The following MOV10L1 variants were observed in gnomAD, a reference collection of about 807,000 sequenced individuals.
MOV10L1 encodes the protein Mov10 like RNA helicase 1, also known as RNA helicase Mov10l1.
MOV10L1 carries 110 observed loss-of-function variants against 143.8 expected under a neutral mutation model. The observed-to-expected ratio is 0.76, with a 90% CI of 0.66 to 0.90. The LOEUF (loss-of-function observed/expected upper bound fraction) is 0.90. MOV10L1 is among the 40% of genes least tolerant of loss of function. The pLI is 0.00. For synonymous variants in MOV10L1, 593 were observed against 581.1 expected, an observed-to-expected ratio of 1.02 and a Z score of -0.29; for missense variants, 1,406 against 1,526.8, an observed-to-expected ratio of 0.92 and a Z score of 1.32.
rs751190508 is a variant in MOV10L1, at chr22:50,150,844, C to T, written c.2837C>T (p.Ala946Val). ...SFLERLMSRPAYQRDENAFGA... is the reference protein window; with the variant it reads ...SFLERLMSRPVYQRDENAFGA... ...TTGGAACGGCTGATGTCTCGACCCG[C>T]GTACCAGAGGGACGAAAATGCTTTC... The change falls in exon 21 of 27, where the codon GCG becomes GTG. Residue 946 changes from alanine (A) to valine (V), a missense_variant. Physicochemically the swap from Ala to Val is moderately conservative, Grantham distance 64 (BLOSUM62 0). Transcript: ENST00000262794. 15 of 1,614,086 alleles carry T rather than the reference C, an allele frequency of 9.3e-6. No homozygotes were observed. The highest frequency in any genetic ancestry group is 5.3e-5 in the African/African-American group (4 of 74,922).
intron 3 of MOV10L1, among the ~76,000 whole-genome samples, chr22:50,104,413 G>A (rs2061819091): frequency 6.6e-6 from 1 of 152,216 alleles, no homozygotes; most frequent in Non-Finnish European, 1.5e-5. Flanking sequence ...GAGTTTGGGA[G>A]GGGCACTCCC....
intron 3 of MOV10L1, among the ~76,000 whole-genome samples, chr22:50,101,960 GC>G (rs1174116147): frequency 6.6e-6 from 1 of 152,200 alleles, no homozygotes; most frequent in Non-Finnish European, 1.5e-5. Context: ...CTAACAGGAA[GC>G]CCCTCTCAGG....
rs892439424 is a variant in MOV10L1, at chr22:50,125,713, C to T, written c.1747+144C>T. On this transcript the variant is annotated intron_variant, in intron 11 of 26. Transcript: ENST00000262794. ...TAGAATTTCACTAAAAATCAGCAAC[C>T]GATGTACATCAAGCATGTTTCTTTG... 6.2e-5 allele frequency: 47 copies of T among 761,018 alleles called. 1 individual carries two copies. In the South Asian group the frequency reaches 7.8e-4, roughly 13 times the overall value. The allele number at this position is 761,018 out of a possible 1,614,324, so 47.1% of individuals were successfully genotyped here. A position where few individuals can be genotyped will look rare whatever the true frequency, so the allele number is the denominator to read the frequency against.
intron 13 of MOV10L1, 145 bp downstream of exon 13, chr22:50,128,652 C>A: frequency 3.6e-6 from 2 of 557,996 alleles, no homozygotes; most frequent in Non-Finnish European, 6.3e-6. Flanking sequence ...TCAAGCGATT[C>A]TCCTGCCTCG....
chr22:50,090,443 GT>G (rs1424040795), intron 1 of MOV10L1: 1 of 1,602,018 alleles, frequency 6.2e-7, no homozygotes, highest in African/African-American at 1.3e-5. Context: ...CACTTTGTGT[GT>G]TTACGCCGAG....
intron 15 of MOV10L1, among the ~76,000 whole-genome samples, chr22:50,139,958 C>G (rs572308652): frequency 9.2e-5 from 14 of 152,150 alleles, no homozygotes; most frequent in African/African-American, 2.7e-4. Flanking sequence ...AAGCTGGACG[C>G]GCACCTGCCA....
rs2063539463 is a variant in MOV10L1 at position 50,160,749 on chromosome 22, C to G, written c.3386C>G (p.Ser1129Ter). The change falls in exon 25 of 27, where the codon TCA becomes TGA. Residue 1129 changes from serine (S) to a stop codon, truncating the protein, a stop_gained. Coordinates refer to ENST00000262794, the MANE Select transcript of MOV10L1 (RefSeq NM_018995.3). LOFTEE classifies it high-confidence loss of function. The part of the protein sequence containing the change: ...DRYFLGFLSN[S>*]KRFNVAITRP... ...TATTTTTTGGGTTTCTTGTCCAACTCAAAAAGATTTAATGTTGCAATCACC... is the reference window on the plus strand; with the variant it reads ...TATTTTTTGGGTTTCTTGTCCAACTGAAAAAGATTTAATGTTGCAATCACC... The G allele has an allele frequency of 6.2e-7, 1 of 1,614,088 alleles. No individual in the cohort carries two copies. Among genetic ancestry groups the G allele is most frequent in the Non-Finnish European group, 8.5e-7 (1 of 1,180,004 alleles).
At position 50,134,572 on chromosome 22, in the gene MOV10L1, C is replaced by A; in HGVS notation, c.2012C>A (p.Thr671Lys). ...ATTATTTTACAGTCTCCACAAGTGA[C>A]GGGAAATTGGAACCATGCACAAGAC... Reference protein sequence around the residue: ...EEIILQSPQVTGNWNHAQDTK... With the variant: ...EEIILQSPQVKGNWNHAQDTK... The change falls in exon 15 of 27, where the codon ACG becomes AAG. Residue 671 changes from threonine (T) to lysine (K), a missense_variant. Thr to Lys is a moderately conservative substitution (Grantham distance 78). Transcript: ENST00000262794. The A allele has an allele frequency of 6.2e-7, 1 of 1,614,022 alleles. No homozygotes were observed. The highest frequency in any genetic ancestry group is 8.5e-7 in the Non-Finnish European group (1 of 1,179,982).
At chr22:50,117,058 T>C (rs935438961) in intron 8 of MOV10L1, 99 bp from the exon 9 acceptor site, 1 of 1,122,048 alleles carries the variant, frequency 8.9e-7, no homozygotes, top group Non-Finnish European at 1.3e-6. Flanking sequence ...TAAAGATGAG[T>C]CTTAACTCTG....
intron 3 of MOV10L1, among the ~76,000 whole-genome samples, chr22:50,104,887 C>T (rs8140123): frequency 1.4e-4 from 20 of 145,892 alleles, no homozygotes; most frequent in Middle Eastern, 3.6e-3. Flanking sequence ...TTTGATTGAG[C>T]CTTCTTTTTT....
rs376399244 is a variant in MOV10L1 at position 50,128,516 on chromosome 22, T to C, written c.1910+9T>C. 6 of 1,342,582 alleles carry C rather than the reference T, an allele frequency of 4.5e-6. No homozygotes were observed. In the African/African-American group the frequency reaches 8.9e-5, roughly 20 times the overall value. 83.2% of individuals were successfully genotyped at this position (1,342,582 alleles called of 1,614,324 possible). A position where few individuals can be genotyped will look rare whatever the true frequency, so the allele number is the denominator to read the frequency against. On this transcript the variant is annotated intron_variant, in intron 13 of 26. Transcript: ENST00000262794. ...GAATTTACATATAATAGGTAATGCT[T>C]TTAGTGAGTCTTCTTTCAAATGTCT...
intron 16 of MOV10L1, 27 bp from the exon 17 acceptor site, chr22:50,143,016 C>T (rs745464893): frequency 6.2e-7 from 1 of 1,609,374 alleles, no homozygotes. Flanking sequence ...TTGCATCTAA[C>T]TGAAACTTTC....
At chr22:50,118,650 G>A (rs1437586884) in intron 9 of MOV10L1, among the ~76,000 whole-genome samples, 1 of 152,192 alleles carries the variant, frequency 6.6e-6, no homozygotes, top group African/African-American at 2.4e-5. Flanking sequence ...TTGGTGGAAG[G>A]AAAAGGGAGG....
intron 17 of MOV10L1, 54 bp downstream of exon 17, chr22:50,143,275 G>A (rs761584765): frequency 2.3e-5 from 36 of 1,565,796 alleles, no homozygotes; most frequent in African/African-American, 1.4e-4. Flanking sequence ...TTCATGTGTC[G>A]TCTGTGTCTT....
intron 2 of MOV10L1, among the ~76,000 whole-genome samples, chr22:50,099,084 G>A (rs1303832908): frequency 6.6e-6 from 1 of 152,162 alleles, no homozygotes; most frequent in Non-Finnish European, 1.5e-5. Flanking sequence ...GAGGATTTTT[G>A]CATCAGTGTT....
rs1226736621 is a variant in MOV10L1, at chr22:50,160,734, G to A, written c.3371G>A (p.Gly1124Asp). 7 of 1,613,832 alleles carry A rather than the reference G, an allele frequency of 4.3e-6. No individual in the cohort carries two copies. Among genetic ancestry groups the A allele is most frequent in the Non-Finnish European group, 5.1e-6 (6 of 1,179,946 alleles). ...DRFEDDRYFL[G>D]FLSNSKRFNV... is the part of the protein sequence containing the mutation. ...TTTGAAGATGATCGATATTTTTTGG[G>A]TTTCTTGTCCAACTCAAAAAGATTT... Residue 1124 changes from glycine (G) to aspartate (D), a missense_variant, in exon 25 of 27, where the codon GGT becomes GAT. By Grantham distance (94) the Gly-to-Asp change is moderately conservative (BLOSUM62 -1). Around this residue, in one of 3 missense-constraint regions of MOV10L1, gnomAD observed 1,233 missense variants for 1,351.4 expected, o/e 0.91. Coordinates refer to ENST00000262794, the MANE Select transcript of MOV10L1 (RefSeq NM_018995.3).
chr22:50,143,621 A>T (rs762809281), intron 17 of MOV10L1, among the ~76,000 whole-genome samples: 1 of 152,170 alleles, frequency 6.6e-6, no homozygotes, highest in Admixed American at 6.5e-5. Flanking sequence ...ACCCATCGTA[A>T]TGGGATTTGG....
intron 19 of MOV10L1, among the ~76,000 whole-genome samples, chr22:50,148,211 T>C (rs1366651658): frequency 6.6e-6 from 1 of 152,222 alleles, no homozygotes; most frequent in Non-Finnish European, 1.5e-5. Context: ...CCATACCTGC[T>C]TCCTCAGGCA....
At position 50,092,018 on chromosome 22, in the gene MOV10L1, A is replaced by G; in HGVS notation, c.115A>G (p.Thr39Ala). The change falls in exon 2 of 27, where the codon ACT (threonine) becomes GCT (alanine). Residue 39 changes from threonine (T) to alanine (A), a missense_variant. Coordinates refer to ENST00000262794, the MANE Select transcript of MOV10L1 (RefSeq NM_018995.3). Reference protein sequence around the residue: ...ELAEGDTKLKTVRGVVTRYCS... With the variant: ...ELAEGDTKLKAVRGVVTRYCS... ...TACCTCAGGTGACACTAAGCTGAAA[A>G]CTGTACGGGGTGTCGTGACAAGGTA... 1 of 1,613,440 alleles carries G rather than the reference A, an allele frequency of 6.2e-7. No homozygotes were observed. Among genetic ancestry groups the G allele is most frequent in the Non-Finnish European group, 8.5e-7 (1 of 1,179,786 alleles).
Sources: allele counts gnomAD v4.1 joint callset (sites outside exome capture counted in the v4.1 genomes callset), GRCh38; gene constraint gnomAD v4.1.1; regional missense constraint gnomAD v4.1.1; transcripts MANE v1.5; gene names NCBI Gene and HGNC (gene_info 2026-07-23, HGNC 2026-07-21).